Variants in AATF observed in about 807,000 individuals in gnomAD.
AATF encodes the protein protein AATF.
Under a neutral mutation model 63.7 loss-of-function variants are expected in AATF, and 48 were observed. That is an observed-to-expected ratio of 0.75 (90% CI 0.60 to 0.96). The LOEUF is 0.96. AATF is among the 40% of genes least tolerant of loss of function. The pLI, the probability that AATF is intolerant of heterozygous loss-of-function variation, is 0.00. For synonymous variants in AATF, 258 were observed against 247.7 expected, an observed-to-expected ratio of 1.04 and a Z score of -0.39; for missense variants, 639 against 685.7, an observed-to-expected ratio of 0.93 and a Z score of 0.76.
chr17:37,047,579 AGTCT>A (rs1156523515), intron 11 of AATF, among the ~76,000 whole-genome samples: 2 of 152,104 alleles, frequency 1.3e-5, no homozygotes, highest in African/African-American at 4.8e-5. Context: ...ATAAATCTTG[AGTCT>A]GTCTGATCTT....
rs1441424791 is a variant in AATF at position 37,001,405 on chromosome 17, G to GAGGGAGGGAGGA, written c.1398+10551_1398+10552insGAGGGAGGAAGG. 3.7e-3 allele frequency among the ~76,000 whole-genome samples: 238 copies of GAGGGAGGGAGGA among 63,808 alleles called. 5 individuals carry two copies. The highest frequency in any genetic ancestry group is 0.023 in the Middle Eastern group (2 of 88). The allele number at this position is 63,808 out of a possible 152,430, so 41.9% of individuals were successfully genotyped here. A position where few individuals can be genotyped will look rare whatever the true frequency, so the allele number is the denominator to read the frequency against. On this transcript the variant is annotated intron_variant, in intron 8 of 11. Coordinates refer to ENST00000619387, the MANE Select transcript of AATF (RefSeq NM_012138.4). ...AGAAAAAGGTATGGGAGGAGGGAGG[G>GAGGGAGGGAGGA]AGGAAGGAAGGAAGGAAGGAAGGAA... is the stretch of plus-strand genomic sequence containing the variant.
chr17:37,039,690 C>T (rs1163124912), intron 11 of AATF, among the ~76,000 whole-genome samples: 1 of 152,110 alleles, frequency 6.6e-6, no homozygotes, highest in Admixed American at 6.5e-5. Flanking sequence ...CCTTCTTTCG[C>T]CAGTAATGTC....
intron 6 of AATF, 132 bp from the exon 7 acceptor site, chr17:36,989,115 C>T: frequency 9.4e-7 from 1 of 1,068,556 alleles, no homozygotes; most frequent in Non-Finnish European, 1.3e-6. Flanking sequence ...CAAACTCAGT[C>T]CTTTACAGAA....
chr17:37,050,867 C>T (rs915958073), intron 11 of AATF, among the ~76,000 whole-genome samples: 12 of 151,852 alleles, frequency 7.9e-5, no homozygotes, highest in Non-Finnish European at 1.6e-4. Flanking sequence ...TTTAGGGAGA[C>T]CCCCCACTCC....
chr17:37,008,150 G>T (rs2071356296), intron 8 of AATF, among the ~76,000 whole-genome samples: 3 of 152,170 alleles, frequency 2.0e-5, no homozygotes, highest in African/African-American at 4.8e-5. Flanking sequence ...TGTGGAAGAT[G>T]ATTTATTTTA....
intron 2 of AATF, 140 bp downstream of exon 2, chr17:36,950,545 G>A: frequency 1.1e-6 from 1 of 890,810 alleles, no homozygotes; most frequent in East Asian, 2.7e-5. Context: ...TGTTGCCCAG[G>A]CTGGAGTGTG....
At chr17:36,979,642 C>A (rs578148001) in intron 4 of AATF, among the ~76,000 whole-genome samples, 7 of 152,070 alleles carry the variant, frequency 4.6e-5, no homozygotes, top group East Asian at 3.9e-4. Flanking sequence ...GTAATGTTTG[C>A]GTATTTATTT....
At chr17:37,040,747 TCC>T (rs11382307) in intron 11 of AATF, among the ~76,000 whole-genome samples, 1 of 149,554 alleles carries the variant, frequency 6.7e-6, no homozygotes, top group African/African-American at 2.5e-5. Flanking sequence ...TTAAAATGCT[TCC>T]CCCCCCACGC....
At chr17:36,974,629 C>G (rs2071066064) in intron 4 of AATF, among the ~76,000 whole-genome samples, 1 of 152,142 alleles carries the variant, frequency 6.6e-6, no homozygotes, top group South Asian at 2.1e-4. Flanking sequence ...TTTTCCTTAT[C>G]CTTGTCAACA....
chr17:37,011,066 T>C (rs1339544370), intron 8 of AATF, among the ~76,000 whole-genome samples: 1 of 152,190 alleles, frequency 6.6e-6, no homozygotes, highest in Non-Finnish European at 1.5e-5. Context: ...GTTTCTCCAG[T>C]GTGCTCAAAA....
At chr17:36,987,174 A>G (rs945638124) in intron 5 of AATF, among the ~76,000 whole-genome samples, 3 of 116,382 alleles carry the variant, frequency 2.6e-5, no homozygotes, top group African/African-American at 1.1e-4. Context: ...TTTTTTTTGT[A>G]GAGACAGGGT....
At chr17:37,001,438 AGGAAGGAAGGAAGGAAG>A (rs2071296085) in intron 8 of AATF, among the ~76,000 whole-genome samples, 2 of 133,568 alleles carry the variant, frequency 1.5e-5, no homozygotes, top group African/African-American at 5.8e-5. Flanking sequence ...GAAGGAAGGA[AGGAAGGAAGGAAGGAAG>A]AAAAAAAAAA....
intron 4 of AATF, among the ~76,000 whole-genome samples, chr17:36,981,607 C>G (rs1280684072): frequency 6.6e-6 from 1 of 151,748 alleles, no homozygotes; most frequent in Non-Finnish European, 1.5e-5. Flanking sequence ...CCACGCCTGG[C>G]TGATTTCTTC....
intron 8 of AATF, among the ~76,000 whole-genome samples, chr17:37,001,405 GAGGAAGGAAGGAAGGAAGGA>G (rs1212807271): frequency 6.3e-4 from 40 of 63,832 alleles, no homozygotes; most frequent in Non-Finnish European, 9.9e-4. Context: ...AGGAGGGAGG[GAGGAAGGAAGGAAGGAAGGA>G]AGGAAGGAAG....
intron 11 of AATF, among the ~76,000 whole-genome samples, chr17:37,032,611 G>T (rs73985344): frequency 1.3e-5 from 2 of 152,060 alleles, no homozygotes; most frequent in African/African-American, 2.4e-5. Flanking sequence ...CAGCAGAGAC[G>T]GGAAGTGTAT....
intron 4 of AATF, among the ~76,000 whole-genome samples, chr17:36,959,640 C>T (rs558514993): frequency 4.6e-5 from 7 of 152,274 alleles, no homozygotes; most frequent in African/African-American, 1.7e-4. Flanking sequence ...GAAAGCTAAA[C>T]TTCAGTCATA....
intron 8 of AATF, among the ~76,000 whole-genome samples, chr17:37,006,671 T>G (rs997493601): frequency 3.3e-5 from 5 of 152,340 alleles, no homozygotes; most frequent in East Asian, 1.9e-4. Context: ...ACACGATATA[T>G]CATGCCTAAT....
chr17:36,964,863 T>C (rs987864823), intron 4 of AATF, among the ~76,000 whole-genome samples: 2 of 152,058 alleles, frequency 1.3e-5, no homozygotes, highest in Admixed American at 1.3e-4. Context: ...GGTTGTTCTC[T>C]AGGAGTAGTG....
chr17:37,024,834 C>A (rs1463668139), intron 10 of AATF, among the ~76,000 whole-genome samples: 1 of 152,078 alleles, frequency 6.6e-6, no homozygotes, highest in Non-Finnish European at 1.5e-5. Flanking sequence ...TAGCATGTGC[C>A]TGTAGTCCCA....
Sources: gnomAD v4.1 joint callset for allele counts (sites outside exome capture counted in the v4.1 genomes callset) on GRCh38, gnomAD v4.1.1 for gene constraint, MANE v1.5 for transcripts, NCBI Gene and HGNC (gene_info 2026-07-23, HGNC 2026-07-21) for gene names.